NPAS3: variants seen among roughly 807,000 people sequenced by gnomAD.
The protein encoded by NPAS3 is neuronal PAS domain protein 3, also known as neuronal PAS domain-containing protein 3.
Under a neutral mutation model 73.1 loss-of-function variants are expected in NPAS3, and 14 were observed. The ratio of observed to expected loss-of-function variants is 0.19; its 90% CI spans 0.13 to 0.30. The LOEUF is 0.30. NPAS3 is among the 10% of genes least tolerant of loss of function. The pLI is 1.00. For synonymous variants in NPAS3, 620 were observed against 541.5 expected, an observed-to-expected ratio of 1.14 and a Z score of -2.01; for missense variants, 1,096 against 1,250.0, an observed-to-expected ratio of 0.88 and a Z score of 1.86.
upstream of NPAS3, among the ~76,000 whole-genome samples, chr14:32,938,486 T>TGAGAGAGAGAGAGAGAGAGA (rs369330767): frequency 1.4e-3 from 81 of 55,898 alleles, 5 homozygotes; most frequent in East Asian, 2.1e-3. Context: ...AGAGAGAAAT[T>TGAGAGAGAGAGAGAGAGAGA]GAGAGAGAGA....
chr14:33,671,909 T>C lies in NPAS3; in HGVS notation c.559-4302T>C, dbSNP rs185634889. On this transcript the variant is annotated intron_variant, in intron 5 of 11. Coordinates refer to ENST00000356141, the Ensembl canonical transcript of NPAS3. ...ATTTGCACTAATCAGAAGAACACAT[T>C]ATTGGAGGGGGGAAAGCTCTACTTT... is the stretch of plus-strand genomic sequence containing the variant. Among the ~76,000 whole-genome samples the C allele has an allele frequency of 4.1e-3, 620 of 152,018 alleles. 5 individuals are homozygous for C. The highest frequency in any genetic ancestry group is 0.014 in the African/African-American group (582 of 41,306).
At chr14:33,289,678 C>A (rs370065962) in intron 3 of NPAS3, among the ~76,000 whole-genome samples, 1 of 151,880 alleles carries the variant, frequency 6.6e-6, no homozygotes, top group Non-Finnish European at 1.5e-5. Flanking sequence ...AAAAATTAGC[C>A]GGGCATGATG....
rs1208031490 is a variant in NPAS3 at position 33,208,841 on chromosome 14, T to G, written c.141-6341T>G. ...AACCATTACAACTGGTTTTATATAT[T>G]GTGTGAGCATCAGACCATCAAACAG... On this transcript the variant is annotated intron_variant, in intron 2 of 11. Transcript: ENST00000356141. 2.0e-5 allele frequency among the ~76,000 whole-genome samples: 3 copies of G among 152,304 alleles called. No individual in the cohort carries two copies. In the East Asian group the frequency reaches 5.8e-4, roughly 29 times the overall value.
At position 33,717,705 on chromosome 14, in the gene NPAS3, C is replaced by T. The variant is rs543504844; in HGVS notation, c.734-17509C>T. Among the ~76,000 whole-genome samples the T allele has an allele frequency of 5.6e-4, 85 of 152,182 alleles. 1 individual carries two copies. The highest frequency in any genetic ancestry group is 6.8e-3 in the Middle Eastern group (2 of 294). ...TCTAAGTGAATTACAATGACCACAT[C>T]TAGATTCCGTTTAGGCCATGCTATA... On this transcript the variant is annotated intron_variant, in intron 6 of 11. Coordinates refer to ENST00000356141, the Ensembl canonical transcript of NPAS3.
chr14:33,456,872 A>G (rs2050045041), intron 4 of NPAS3, among the ~76,000 whole-genome samples: 1 of 152,164 alleles, frequency 6.6e-6, no homozygotes. Flanking sequence ...CAGGATTTAA[A>G]AACCAGAAGG....
chr14:33,643,375 TAAAAAAAAAA>T (rs755879056), intron 5 of NPAS3, among the ~76,000 whole-genome samples: 23 of 94,640 alleles, frequency 2.4e-4, no homozygotes, highest in South Asian at 1.7e-3. Flanking sequence ...AAATAAAAAT[TAAAAAAAAAA>T]AAAAAAAAAA....
At chr14:33,152,347 C>T (rs2044478629) in intron 2 of NPAS3, among the ~76,000 whole-genome samples, 1 of 152,106 alleles carries the variant, frequency 6.6e-6, no homozygotes, top group Non-Finnish European at 1.5e-5. Flanking sequence ...TCTTTCTTCT[C>T]CTGTTTCTAT....
At chr14:33,366,529 G>T (rs2045854324) in intron 3 of NPAS3, among the ~76,000 whole-genome samples, 2 of 152,160 alleles carry the variant, frequency 1.3e-5, no homozygotes, top group South Asian at 4.1e-4. Flanking sequence ...AACAGTCACT[G>T]ACCTGGTGAG....
At position 33,612,391 on chromosome 14, in the gene NPAS3, TC is replaced by T. The variant is rs1567053952; in HGVS notation, c.558+52182del. On this transcript the variant is annotated intron_variant, in intron 5 of 11. Coordinates refer to ENST00000356141, the Ensembl canonical transcript of NPAS3. ...CCACGCCCTGAAACCTGTTGTCTTT[TC>T]TACCCTCCACAGGCACAGACACTGT... The T allele has an allele frequency of 1.1e-5, 5 of 456,010 alleles. No homozygotes were observed. In the Admixed American group the frequency reaches 1.2e-4, roughly 11 times the overall value. 28.2% of individuals were successfully genotyped at this position (456,010 alleles called of 1,614,324 possible).
intron 3 of NPAS3, among the ~76,000 whole-genome samples, chr14:33,292,671 CAT>C (rs1444734011): frequency 1.3e-5 from 2 of 152,028 alleles, no homozygotes; most frequent in African/African-American, 4.8e-5. Flanking sequence ...TACCCAAAAA[CAT>C]AAACAAAAAC....
intron 7 of NPAS3, among the ~76,000 whole-genome samples, chr14:33,741,517 G>C (rs540709531): frequency 6.6e-6 from 1 of 152,220 alleles, no homozygotes; most frequent in East Asian, 1.9e-4. Context: ...CTTTTACCTC[G>C]TTTTAGTCTC....
chr14:33,297,057 AT>A (rs557079351), intron 3 of NPAS3, among the ~76,000 whole-genome samples: 78 of 152,268 alleles, frequency 5.1e-4, no homozygotes, highest in Middle Eastern at 3.4e-3. Flanking sequence ...GTGATGACAT[AT>A]GTAAAAATCA....
At chr14:33,290,219 A>T (rs1205943548) in intron 3 of NPAS3, among the ~76,000 whole-genome samples, 1 of 152,210 alleles carries the variant, frequency 6.6e-6, no homozygotes, top group Non-Finnish European at 1.5e-5. Flanking sequence ...CACAGTTCAG[A>T]TTATCAATAT....
chr14:33,224,170 T>C (rs569759406), intron 3 of NPAS3, among the ~76,000 whole-genome samples: 1 of 152,352 alleles, frequency 6.6e-6, no homozygotes, highest in South Asian at 2.1e-4. Flanking sequence ...CTTTCAAGTT[T>C]ATGTGCTCTG....
chr14:33,766,942 T>A (rs540855038), intron 7 of NPAS3, among the ~76,000 whole-genome samples: 1 of 152,238 alleles, frequency 6.6e-6, no homozygotes, highest in African/African-American at 2.4e-5. Flanking sequence ...GCCTATAGTT[T>A]TAGTTGTAAA....
chr14:33,351,644 C>T (rs1275688821), intron 3 of NPAS3, among the ~76,000 whole-genome samples: 1 of 152,224 alleles, frequency 6.6e-6, no homozygotes, highest in Non-Finnish European at 1.5e-5. Flanking sequence ...TTTGTGTACT[C>T]TCACAAAAGA....
chr14:33,293,640 C>T (rs952702331), intron 3 of NPAS3, among the ~76,000 whole-genome samples: 3 of 151,986 alleles, frequency 2.0e-5, no homozygotes, highest in African/African-American at 4.8e-5. Context: ...TTCTCATGAA[C>T]GGTAGACATG....
intron 7 of NPAS3, among the ~76,000 whole-genome samples, chr14:33,743,249 G>A (rs1294575945): frequency 6.6e-6 from 1 of 152,184 alleles, no homozygotes; most frequent in East Asian, 1.9e-4. Context: ...AATAAGACTT[G>A]AAAGTCAAAA....
intron 3 of NPAS3, among the ~76,000 whole-genome samples, chr14:33,336,026 A>G (rs527492504): frequency 1.3e-5 from 2 of 152,324 alleles, no homozygotes; most frequent in South Asian, 2.1e-4. Flanking sequence ...AAAACTTTCT[A>G]AAGTCATCAG....
Sources: gnomAD v4.1 joint callset for allele counts (sites outside exome capture counted in the v4.1 genomes callset) on GRCh38, gnomAD v4.1.1 for gene constraint, MANE v1.5 for transcripts, NCBI Gene and HGNC (gene_info 2026-07-23, HGNC 2026-07-21) for gene names.